Variants in SGMS1 observed in about 807,000 individuals in gnomAD.
The protein encoded by SGMS1 is phosphatidylcholine:ceramide cholinephosphotransferase 1.
A neutral mutation model predicts 46.2 loss-of-function variants in SGMS1; 13 were observed. That is an observed-to-expected ratio of 0.28 (90% confidence interval 0.18 to 0.45). The LOEUF is 0.45. Among genes scored for constraint, SGMS1 ranks in the 20% least tolerant of loss-of-function variants. SGMS1 has a pLI of 1.00. For missense variants in SGMS1, 324 were observed against 519.9 expected, an observed-to-expected ratio of 0.62 and a Z score of 3.66; for synonymous variants, 203 against 187.8, an observed-to-expected ratio of 1.08 and a Z score of -0.66.
intron 3 of SGMS1, among the ~76,000 whole-genome samples, chr10:50,475,159 C>T (rs564048473): frequency 2.0e-5 from 3 of 152,274 alleles, no homozygotes; most frequent in Admixed American, 6.5e-5. Flanking sequence ...TAATTCTTGT[C>T]CATAGCAATG....
At chr10:50,564,148 A>G (rs899612498) in intron 2 of SGMS1, among the ~76,000 whole-genome samples, 3 of 152,222 alleles carry the variant, frequency 2.0e-5, no homozygotes, top group African/African-American at 7.2e-5. Flanking sequence ...GTGTCAGCAC[A>G]CTGGCTTTCC....
intron 5 of SGMS1, among the ~76,000 whole-genome samples, chr10:50,459,422 A>T (rs549951331): frequency 6.6e-6 from 1 of 152,218 alleles, no homozygotes; most frequent in African/African-American, 2.4e-5. Flanking sequence ...TTTTTTTTTT[A>T]GACGGAGTTT....
At chr10:50,492,139 A>AT (rs1837572881) in intron 3 of SGMS1, among the ~76,000 whole-genome samples, 1 of 152,248 alleles carries the variant, frequency 6.6e-6, no homozygotes, top group Admixed American at 6.5e-5. Flanking sequence ...AAAAACTGTC[A>AT]ATAAACTAGG....
chr10:50,418,394 C>T (rs1024941860), intron 6 of SGMS1: 3 of 152,424 alleles, frequency 2.0e-5, no homozygotes, highest in South Asian at 2.1e-4. Context: ...CTCAGAGGCT[C>T]CAAGAGCGGG....
At chr10:50,621,336 G>T (rs1838848106) in intron 1 of SGMS1, among the ~76,000 whole-genome samples, 1 of 152,104 alleles carries the variant, frequency 6.6e-6, no homozygotes, top group African/African-American at 2.4e-5. Context: ...AAAAGTAAAA[G>T]AATCAAGTTT....
At chr10:50,315,690 C>G (rs752066715) in intron 8 of SGMS1, among the ~76,000 whole-genome samples, 12 of 152,150 alleles carry the variant, frequency 7.9e-5, no homozygotes, top group Non-Finnish European at 1.6e-4. Flanking sequence ...CCTTGCCTAT[C>G]AGTAGCTTTT....
At chr10:50,623,522 G>C (rs1452716354) in intron 1 of SGMS1, 185 bp downstream of exon 1, 11 of 950,956 alleles carry the variant, frequency 1.2e-5, no homozygotes, top group Non-Finnish European at 1.4e-5. Context: ...CCACCCACGG[G>C]AGCAGCAGCT....
chr10:50,599,650 G>A (rs781111934), intron 1 of SGMS1, among the ~76,000 whole-genome samples: 2 of 152,126 alleles, frequency 1.3e-5, no homozygotes, highest in African/African-American at 2.4e-5. Flanking sequence ...AGATCACGAG[G>A]TCAAGAGTTC....
intron 6 of SGMS1, among the ~76,000 whole-genome samples, chr10:50,373,850 G>GT (rs1305607898): frequency 2.0e-5 from 3 of 152,138 alleles, no homozygotes; most frequent in Non-Finnish European, 2.9e-5. Flanking sequence ...AGTCCCATAG[G>GT]TATCTATTCC....
chr10:50,546,630 C>T (rs955276741), intron 2 of SGMS1, among the ~76,000 whole-genome samples: 38 of 152,116 alleles, frequency 2.5e-4, no homozygotes, highest in African/African-American at 7.2e-4. Flanking sequence ...GGACAAAAAA[C>T]CAAACACCGC....
At chr10:50,497,702 G>A (rs552523743) in intron 3 of SGMS1, among the ~76,000 whole-genome samples, 1 of 152,228 alleles carries the variant, frequency 6.6e-6, no homozygotes, top group East Asian at 1.9e-4. Context: ...GCTGAGGCAG[G>A]AGAATCATTT....
intron 2 of SGMS1, among the ~76,000 whole-genome samples, chr10:50,533,296 G>T (rs115054523): frequency 0.011 from 1,724 of 152,206 alleles, 28 homozygotes; most frequent in African/African-American, 0.04. Context: ...TTTTAATTGT[G>T]ATGGAACTGG....
chr10:50,494,695 G>A (rs1837595603), intron 3 of SGMS1, among the ~76,000 whole-genome samples: 1 of 152,060 alleles, frequency 6.6e-6, no homozygotes, highest in Admixed American at 6.6e-5. Context: ...TAATATCTGT[G>A]GGATGAAATA....
intron 3 of SGMS1, among the ~76,000 whole-genome samples, chr10:50,495,379 G>A (rs1837606560): frequency 6.6e-6 from 1 of 151,440 alleles, no homozygotes. Context: ...AGGAGAAAAT[G>A]TTTAAATAGA....
At chr10:50,376,963 A>G (rs1848531061) in intron 6 of SGMS1, among the ~76,000 whole-genome samples, 1 of 152,214 alleles carries the variant, frequency 6.6e-6, no homozygotes, top group African/African-American at 2.4e-5. Flanking sequence ...TGAGCACAAC[A>G]TTAGACTAAG....
At chr10:50,366,616 C>T (rs1176690911) in intron 6 of SGMS1, among the ~76,000 whole-genome samples, 1 of 152,172 alleles carries the variant, frequency 6.6e-6, no homozygotes, top group Non-Finnish European at 1.5e-5. Context: ...GCAAACTATG[C>T]AGCCATAAAA....
chr10:50,434,260 T>G (rs1158723985), intron 5 of SGMS1, among the ~76,000 whole-genome samples: 2 of 152,240 alleles, frequency 1.3e-5, no homozygotes, highest in Admixed American at 6.5e-5. Flanking sequence ...GAAATAGAAC[T>G]TTTTGCTTTC....
chr10:50,311,746 A>G (rs889233127), intron 8 of SGMS1, among the ~76,000 whole-genome samples: 6 of 152,230 alleles, frequency 3.9e-5, no homozygotes, highest in Admixed American at 2.6e-4. Context: ...TTGCTTTAGT[A>G]TAACTATCAT....
intron 6 of SGMS1, chr10:50,418,169 G>A (rs1222330440): frequency 6.6e-6 from 1 of 152,146 alleles, no homozygotes; most frequent in Non-Finnish European, 1.5e-5. Flanking sequence ...TGGCGCGGGC[G>A]GAAAGGCGAG....
Sources: gnomAD v4.1 joint callset for allele counts (sites outside exome capture counted in the v4.1 genomes callset) on GRCh38, gnomAD v4.1.1 for gene constraint, MANE v1.5 for transcripts, NCBI Gene and HGNC (gene_info 2026-07-23, HGNC 2026-07-21) for gene names.